HPSE2: variants seen among roughly 807,000 people sequenced by gnomAD.
HPSE2 encodes the protein heparanase 2 (inactive).
A neutral mutation model predicts 60.5 loss-of-function variants in HPSE2; 38 were observed. That is an observed-to-expected ratio of 0.63 (90% confidence interval 0.48 to 0.82). The LOEUF is 0.82. Ranked by LOEUF, HPSE2 falls within the 40% of genes least tolerant of loss-of-function variation. The pLI, the probability that HPSE2 is intolerant of heterozygous loss-of-function variation, is 0.00. For synonymous variants in HPSE2, 295 were observed against 293.2 expected (o/e 1.01, Z -0.06); for missense variants, 713 against 740.4 (o/e 0.96, Z 0.43).
intron 3 of HPSE2, among the ~76,000 whole-genome samples, chr10:98,900,285 A>G (rs560401666): frequency 1.3e-5 from 2 of 152,324 alleles, no homozygotes; most frequent in South Asian, 2.1e-4. Flanking sequence ...ATGAATATTA[A>G]TATAATTGTA....
At chr10:98,843,590 A>G (rs2134701239) in intron 3 of HPSE2, among the ~76,000 whole-genome samples, 1 of 152,338 alleles carries the variant, frequency 6.6e-6, no homozygotes, top group Admixed American at 6.5e-5. Flanking sequence ...AAAATAAATG[A>G]AAAGTTCTTC....
chr10:99,174,792 C>G (rs985988957), intron 2 of HPSE2, among the ~76,000 whole-genome samples: 6 of 152,180 alleles, frequency 3.9e-5, no homozygotes, highest in African/African-American at 1.4e-4. Context: ...CTAAGCCAAT[C>G]TGACTGGTTT....
chr10:98,481,103 C>T (rs1223682750), intron 11 of HPSE2, among the ~76,000 whole-genome samples: 2 of 152,198 alleles, frequency 1.3e-5, no homozygotes, highest in Admixed American at 6.5e-5. Flanking sequence ...ACTGGGCAGG[C>T]TCAGCTCCTA....
At chr10:98,642,754 G>A (rs77250239) in intron 6 of HPSE2, among the ~76,000 whole-genome samples, 4,100 of 152,250 alleles carry the variant, frequency 0.027, 207 homozygotes, top group African/African-American at 0.094. Context: ...GGTGATCTTC[G>A]TTACCTCAGA....
intron 3 of HPSE2, among the ~76,000 whole-genome samples, chr10:98,839,637 C>T (rs991276165): frequency 1.7e-4 from 26 of 152,204 alleles, no homozygotes; most frequent in African/African-American, 5.8e-4. Flanking sequence ...CACAGGAACA[C>T]AGTGCTAGGT....
At chr10:99,147,834 A>G (rs1407432245) in intron 2 of HPSE2, among the ~76,000 whole-genome samples, 12 of 152,208 alleles carry the variant, frequency 7.9e-5, no homozygotes, top group Non-Finnish European at 4.4e-5. Flanking sequence ...AAGAGTTAGT[A>G]TCATGTATGA....
intron 3 of HPSE2, among the ~76,000 whole-genome samples, chr10:98,806,471 T>C (rs969021139): frequency 3.3e-5 from 5 of 152,182 alleles, no homozygotes; most frequent in Admixed American, 1.3e-4. Flanking sequence ...AGCAAACTTG[T>C]ATTTGAATCT....
At chr10:99,280,660 G>A in the HPSE2 span, among the ~76,000 whole-genome samples, 1 of 152,106 alleles carries the variant, frequency 6.6e-6, no homozygotes, top group African/African-American at 2.4e-5. Context: ...TACCTACTTT[G>A]CATATGTAAC....
the HPSE2 span, among the ~76,000 whole-genome samples, chr10:99,247,246 C>T: frequency 6.6e-6 from 1 of 152,210 alleles, no homozygotes; most frequent in African/African-American, 2.4e-5. Flanking sequence ...TTAAAGACTT[C>T]CATAAGACAT....
chr10:99,208,206 A>G (rs1848826479), intron 2 of HPSE2, among the ~76,000 whole-genome samples: 1 of 152,116 alleles, frequency 6.6e-6, no homozygotes, highest in Admixed American at 6.5e-5. Flanking sequence ...AAACTATTGT[A>G]CACAAAAGAT....
intron 7 of HPSE2, among the ~76,000 whole-genome samples, chr10:98,635,522 T>A (rs766148485): frequency 2.8e-4 from 42 of 152,172 alleles, no homozygotes; most frequent in Non-Finnish European, 4.9e-4. Context: ...GGCTTAGGTA[T>A]GTAATCCCTG....
intron 3 of HPSE2, among the ~76,000 whole-genome samples, chr10:98,912,626 AGG>A (rs1428274950): frequency 1.3e-5 from 2 of 152,196 alleles, no homozygotes; most frequent in African/African-American, 4.8e-5. Flanking sequence ...AAAGAATGAG[AGG>A]GTCATTTGCA....
intron 9 of HPSE2, among the ~76,000 whole-genome samples, chr10:98,574,106 G>C (rs1481928481): frequency 1.3e-5 from 2 of 151,946 alleles, no homozygotes; most frequent in East Asian, 3.9e-4. Context: ...CTACAGATTG[G>C]CATATTCTGG....
At chr10:98,930,775 G>T (rs1270720512) in intron 3 of HPSE2, among the ~76,000 whole-genome samples, 1 of 144,376 alleles carries the variant, frequency 6.9e-6, no homozygotes, top group Non-Finnish European at 1.5e-5. Flanking sequence ...GTCTTTTTTT[G>T]AGAAGTGTCT....
the HPSE2 span, among the ~76,000 whole-genome samples, chr10:99,308,491 T>G: frequency 6.6e-6 from 1 of 151,772 alleles, no homozygotes; most frequent in African/African-American, 2.4e-5. Context: ...GAAGTACTGA[T>G]GCATGTTACA....
At chr10:98,512,453 C>T (rs934005898) in intron 9 of HPSE2, among the ~76,000 whole-genome samples, 4 of 151,872 alleles carry the variant, frequency 2.6e-5, no homozygotes, top group African/African-American at 7.3e-5. Flanking sequence ...GGCGTGGTAG[C>T]GGGTGCCTGT....
chr10:99,215,116 C>T (rs1022921069), intron 2 of HPSE2, among the ~76,000 whole-genome samples: 2 of 152,056 alleles, frequency 1.3e-5, no homozygotes, highest in African/African-American at 2.4e-5. Context: ...ATAACTCACC[C>T]GGCCCAACCT....
chr10:99,001,441 C>T (rs531015640), intron 3 of HPSE2, among the ~76,000 whole-genome samples: 4 of 152,240 alleles, frequency 2.6e-5, no homozygotes, highest in Non-Finnish European at 5.9e-5. Context: ...TACTTATCTG[C>T]TTCCATGAGG....
intron 3 of HPSE2, among the ~76,000 whole-genome samples, chr10:99,078,928 T>G (rs954407076): frequency 1.3e-5 from 2 of 152,152 alleles, no homozygotes; most frequent in Admixed American, 6.5e-5. Flanking sequence ...GCATCAAGAT[T>G]ATGCTGGGTC....
Sources: gnomAD v4.1 joint callset for allele counts (sites outside exome capture counted in the v4.1 genomes callset) on GRCh38, gnomAD v4.1.1 for gene constraint, MANE v1.5 for transcripts, NCBI Gene and HGNC (gene_info 2026-07-23, HGNC 2026-07-21) for gene names.